METTL3: variants seen among roughly 807,000 people sequenced by gnomAD.
METTL3 encodes the protein N(6)-adenosine-methyltransferase catalytic subunit METTL3.
In METTL3, 42 loss-of-function variants were observed where a neutral mutation model predicts 64.3. The ratio of observed to expected loss-of-function variants is 0.65; its 90% CI spans 0.51 to 0.84. The LOEUF is 0.84. METTL3 is among the 40% of genes least tolerant of loss of function. METTL3 has a pLI of 0.00. For synonymous variants in METTL3, 256 were observed against 263.6 expected (o/e 0.97, Z 0.28); for missense variants, 435 against 722.3 (o/e 0.60, Z 4.56).
intron 9 of METTL3, 77 bp downstream of exon 9, chr14:21,499,227 CTG>C: frequency 6.3e-7 from 1 of 1,592,018 alleles, no homozygotes; most frequent in East Asian, 2.2e-5. Context: ...TGAGAAAAAT[CTG>C]GGATGAGAAT....
intron 1 of METTL3, 22 bp downstream of exon 1, chr14:21,511,102 C>T (rs761273244): frequency 6.2e-7 from 1 of 1,611,884 alleles, no homozygotes; most frequent in Non-Finnish European, 8.5e-7. Context: ...TGAGCCTCGG[C>T]CCCAACAGCC....
In METTL3 at chr14:21,499,806, G is replaced by C; in HGVS notation, c.1305-4C>G. On this transcript the variant is annotated splice_polypyrimidine_tract_variant and splice_region_variant and intron_variant, in intron 6 of 10. Transcript: ENST00000298717. ...TTCTCTCCCCAACTCCATGGCCCTAGAAAGAAATGAGTTAAACAACTATTT... is the reference window on the plus strand; with the variant it reads ...TTCTCTCCCCAACTCCATGGCCCTACAAAGAAATGAGTTAAACAACTATTT... 6.2e-7 allele frequency: 1 copy of C among 1,612,884 alleles called. No individual in the cohort carries two copies. Among genetic ancestry groups the C allele is most frequent in the Non-Finnish European group, 8.5e-7 (1 of 1,179,094 alleles).
intron 1 of METTL3, chr14:21,504,346 A>AC (rs1377351378): frequency 6.2e-6 from 1 of 160,784 alleles, no homozygotes; most frequent in African/African-American, 2.4e-5. Context: ...CAACAGTGTT[A>AC]CCTATAACAC....
chr14:21,499,687 A>G, intron 7 of METTL3, 77 bp downstream of exon 7: 7 of 1,578,416 alleles, frequency 4.4e-6, no homozygotes, highest in Non-Finnish European at 6.1e-6. Flanking sequence ...GAATCACAGA[A>G]TAGTCTGGGA....
Position 21,503,927 on chromosome 14 carries a change from G to C in METTL3, c.101-46C>G, listed in dbSNP as rs1254590838. On this transcript the variant is annotated intron_variant, in intron 1 of 10. Coordinates refer to ENST00000298717, the MANE Select transcript of METTL3 (RefSeq NM_019852.5). ...AAATGAAAAAAGGCAACCACTGTTGGTCTATATATTTCTGAGAAGTCAAAT... is the reference window on the plus strand; with the variant it reads ...AAATGAAAAAAGGCAACCACTGTTGCTCTATATATTTCTGAGAAGTCAAAT... 4 of 1,565,154 alleles carry C rather than the reference G, an allele frequency of 2.6e-6. No individual in the cohort carries two copies. In the African/African-American group the frequency reaches 5.4e-5, roughly 21 times the overall value.
At chr14:21,504,833 G>C (rs1327142469) in intron 1 of METTL3, 1 of 152,096 alleles carries the variant, frequency 6.6e-6, no homozygotes. Flanking sequence ...CCAGCTACTG[G>C]GGAGGCTGAA....
At chr14:21,506,851 G>T (rs1594444586) in intron 1 of METTL3, among the ~76,000 whole-genome samples, 2 of 152,164 alleles carry the variant, frequency 1.3e-5, no homozygotes, top group Non-Finnish European at 2.9e-5. Flanking sequence ...GCAAAACCCT[G>T]TTGGGCGTTT....
At chr14:21,498,678 A>C (rs1891474245) in intron 10 of METTL3, 2 of 483,782 alleles carry the variant, frequency 4.1e-6, no homozygotes, top group Admixed American at 7.3e-5. Context: ...ATGTGTTTTA[A>C]GCTCTGTTAA....
chr14:21,500,704 C>A, intron 5 of METTL3, 22 bp from the exon 6 acceptor site: 1 of 1,596,226 alleles, frequency 6.3e-7, no homozygotes, highest in Non-Finnish European at 8.6e-7. Flanking sequence ...GGTATTTGGT[C>A]ATCTTCCCTA....
In METTL3 at chr14:21,501,381, T is replaced by A; in HGVS notation, c.900-252A>T. ...TGGAAGGCAAGCAGTGCAGGAGACT[T>A]GGGTAGAACAGAATAAAACACTGAC... On this transcript the variant is annotated intron_variant, in intron 4 of 10. Transcript: ENST00000298717. The A allele has an allele frequency of 7.2e-6, 4 of 555,026 alleles. No homozygotes were observed. In the East Asian group the frequency reaches 1.2e-4, roughly 17 times the overall value. The allele number at this position is 555,026 out of a possible 1,614,324, so 34.4% of individuals were successfully genotyped here.
chr14:21,509,775 TA>T (rs1477044650), intron 1 of METTL3, among the ~76,000 whole-genome samples: 5 of 151,900 alleles, frequency 3.3e-5, no homozygotes, highest in South Asian at 2.1e-4. Context: ...AACCAAAGAA[TA>T]GGGGAAAAAA....
At position 21,498,141 on chromosome 14, in the gene METTL3, C is replaced by T; in HGVS notation, c.*117G>A. ...AGAGCCAGAATGGACTTCAGAATCC[C>T]AACTACAATACAAATGTTTATTTAA... On this transcript the variant is annotated 3_prime_UTR_variant, in exon 11 of 11. Coordinates refer to ENST00000298717, the MANE Select transcript of METTL3 (RefSeq NM_019852.5). 1 of 666,310 alleles carries T rather than the reference C, an allele frequency of 1.5e-6. No individual in the cohort carries two copies. The highest frequency in any genetic ancestry group is 2.7e-5 in the Admixed American group (1 of 37,128). 41.3% of individuals were successfully genotyped at this position (666,310 alleles called of 1,614,324 possible).
intron 4 of METTL3, chr14:21,501,441 C>T (rs188661968): frequency 6.9e-5 from 38 of 551,722 alleles, no homozygotes; most frequent in Non-Finnish European, 1.1e-4. Flanking sequence ...CTAAGATTAT[C>T]CTCCTTTCAG....
intron 7 of METTL3, 62 bp from the exon 8 acceptor site, chr14:21,499,662 A>C: frequency 6.3e-7 from 1 of 1,582,068 alleles, no homozygotes; most frequent in Non-Finnish European, 8.7e-7. Context: ...GGGTAGTACC[A>C]TTTATAGAAG....
chr14:21,498,877 A>G (rs1211624214), intron 10 of METTL3, 148 bp downstream of exon 10: 1 of 620,206 alleles, frequency 1.6e-6, no homozygotes, highest in East Asian at 2.8e-5. Context: ...AATCTCATAA[A>G]ACAGTTTAAA....
At chr14:21,503,004 A>G in intron 3 of METTL3, 169 bp downstream of exon 3, 2 of 748,228 alleles carry the variant, frequency 2.7e-6, no homozygotes, top group Admixed American at 2.7e-5. Flanking sequence ...CATGTGTGAC[A>G]ATAAAAATGT....
At chr14:21,505,462 T>C (rs557886794) in intron 1 of METTL3, among the ~76,000 whole-genome samples, 3 of 152,234 alleles carry the variant, frequency 2.0e-5, no homozygotes, top group Non-Finnish European at 4.4e-5. Context: ...AATCCTTGTA[T>C]TAATAACACC....
intron 10 of METTL3, 21 bp from the exon 11 acceptor site, chr14:21,498,390 G>A (rs1307904221): frequency 6.2e-7 from 1 of 1,611,868 alleles, no homozygotes; most frequent in Non-Finnish European, 8.5e-7. Context: ...GTAAAAGGAG[G>A]GGCAAACCAG....
intron 1 of METTL3, 132 bp from the exon 2 acceptor site, chr14:21,504,013 A>G (rs1891637424): frequency 1.4e-6 from 1 of 733,432 alleles, no homozygotes; most frequent in Admixed American, 2.7e-5. Flanking sequence ...GACCAACTTT[A>G]GCACTAGATT....
Sources: allele counts gnomAD v4.1 joint callset (sites outside exome capture counted in the v4.1 genomes callset), GRCh38; gene constraint gnomAD v4.1.1; transcripts MANE v1.5; gene names NCBI Gene and HGNC (gene_info 2026-07-23, HGNC 2026-07-21).